Variants in MYBPC1 observed in about 807,000 individuals in gnomAD.
The protein encoded by MYBPC1 is myosin-binding protein C, slow-type.
A neutral mutation model predicts 147.1 loss-of-function variants in MYBPC1; 52 were observed. That is an observed-to-expected ratio of 0.35 (90% CI 0.28 to 0.45). The LOEUF (loss-of-function observed/expected upper bound fraction) is 0.45. MYBPC1 is among the 20% of genes least tolerant of loss of function. MYBPC1 has a pLI of 1.00. For synonymous variants in MYBPC1, 477 were observed against 475.9 expected, an observed-to-expected ratio of 1.00 and a Z score of -0.03; for missense variants, 1,228 against 1,440.3, an observed-to-expected ratio of 0.85 and a Z score of 2.39.
chr12:101,603,355 A>G (rs1319420606), intron 1 of MYBPC1, among the ~76,000 whole-genome samples: 1 of 151,860 alleles, frequency 6.6e-6, no homozygotes. Context: ...CAAAAAAAAA[A>G]AAAAGAAGAT....
chr12:101,631,951 G>A (rs1889993211), intron 7 of MYBPC1, 70 bp from the exon 8 acceptor site: 1 of 1,398,116 alleles, frequency 7.2e-7, no homozygotes, highest in Non-Finnish European at 1.0e-6. Context: ...GACAGACACA[G>A]CTTTAAGCCA....
intron 29 of MYBPC1, among the ~76,000 whole-genome samples, chr12:101,681,853 T>C (rs1434736290): frequency 2.0e-5 from 3 of 151,700 alleles, no homozygotes; most frequent in South Asian, 2.1e-4. Flanking sequence ...AAGCAATCCA[T>C]CTGCCTTGGC....
At chr12:101,643,574 A>G (rs1006679179) in intron 11 of MYBPC1, among the ~76,000 whole-genome samples, 13 of 152,194 alleles carry the variant, frequency 8.5e-5, no homozygotes, top group South Asian at 2.1e-4. Context: ...ACAATAGTAT[A>G]ATAAGGTTGG....
chr12:101,647,364 C>T (rs1193385854), intron 13 of MYBPC1, among the ~76,000 whole-genome samples: 1 of 152,138 alleles, frequency 6.6e-6, no homozygotes, highest in Non-Finnish European at 1.5e-5. Flanking sequence ...CTCTGTCATC[C>T]ATCTGGAACT....
chr12:101,598,616 C>T (rs1431156276), intron 1 of MYBPC1, among the ~76,000 whole-genome samples: 1 of 152,032 alleles, frequency 6.6e-6, no homozygotes, highest in Admixed American at 6.6e-5. Context: ...TTCTGTCACC[C>T]AGGCTGGAAT....
At chr12:101,670,518 A>G in intron 24 of MYBPC1, 109 bp downstream of exon 24, 1 of 914,066 alleles carries the variant, frequency 1.1e-6, no homozygotes, top group Non-Finnish European at 1.8e-6. Flanking sequence ...ATTTCCTCAG[A>G]GGGAGAGGAG....
intron 1 of MYBPC1, among the ~76,000 whole-genome samples, chr12:101,606,812 T>G (rs1427503660): frequency 6.6e-6 from 1 of 152,028 alleles, no homozygotes; most frequent in Non-Finnish European, 1.5e-5. Flanking sequence ...TTGCTGATTT[T>G]GGGGGGGTAC....
Position 101,661,910 on chromosome 12 carries a change from A to AG in MYBPC1, c.2033-448_2033-447insG, listed in dbSNP as rs1896635317. ...AGACTCTGTCTCAAAAAAAAAAAAA[A>AG]AAAAAGAAAGAAAAAATATTTAAAT... On this transcript the variant is annotated intron_variant, in intron 20 of 31. Transcript: ENST00000361466. Among the ~76,000 whole-genome samples, 18 of 52,206 alleles carry AG rather than the reference A, an allele frequency of 3.4e-4. No homozygotes were observed. The South Asian group carries it at 0.012, about 34-fold the overall frequency. 34.2% of individuals were successfully genotyped at this position (52,206 alleles called of 152,430 possible).
intron 12 of MYBPC1, among the ~76,000 whole-genome samples, chr12:101,646,360 A>G (rs1443048333): frequency 1.3e-5 from 2 of 152,260 alleles, no homozygotes; most frequent in Non-Finnish European, 2.9e-5. Context: ...TCAAAATTAT[A>G]TCCCTGCTGG....
intron 3 of MYBPC1, among the ~76,000 whole-genome samples, chr12:101,622,940 A>T (rs1224849527): frequency 6.6e-6 from 1 of 152,206 alleles, no homozygotes; most frequent in African/African-American, 2.4e-5. Context: ...CGCTGCATTC[A>T]TATGTATTCC....
Position 101,678,083 on chromosome 12 carries a change from T to A in MYBPC1, c.3110-19T>A, listed in dbSNP as rs1900396355. The A allele has an allele frequency of 1.9e-6, 3 of 1,608,266 alleles. No homozygotes were observed. Among genetic ancestry groups the A allele is most frequent in the African/African-American group, 1.3e-5 (1 of 74,804 alleles). ...CCAATTTACATAATTTTAACATATT[T>A]GTAATGCTTGTTTTTAAGGTAAAAT... On this transcript the variant is annotated intron_variant, in intron 27 of 31. Transcript: ENST00000361466.
At chr12:101,692,403 G>A in the MYBPC1 span, among the ~76,000 whole-genome samples, 1 of 152,178 alleles carries the variant, frequency 6.6e-6, no homozygotes, top group East Asian at 1.9e-4. Context: ...ATACATGTAA[G>A]TTATTAGGTG....
At chr12:101,641,940 C>T (rs1892143205) in intron 10 of MYBPC1, among the ~76,000 whole-genome samples, 1 of 151,788 alleles carries the variant, frequency 6.6e-6, no homozygotes, top group Non-Finnish European at 1.5e-5. Context: ...TGTATTTGTA[C>T]TGTCTCCATA....
Position 101,627,015 on chromosome 12 carries a change from C to G in MYBPC1, c.142+105C>G, listed in dbSNP as rs1026591120. 5 of 1,056,410 alleles carry G rather than the reference C, an allele frequency of 4.7e-6. No individual in the cohort carries two copies. In the African/African-American group the frequency reaches 6.3e-5, roughly 13 times the overall value. 65.4% of individuals were successfully genotyped at this position (1,056,410 alleles called of 1,614,324 possible). On this transcript the variant is annotated intron_variant, in intron 4 of 31. Coordinates refer to ENST00000361466, the MANE Select transcript of MYBPC1 (RefSeq NM_002465.4). The stretch of plus-strand genomic sequence containing the variant: ...CTCCTTGCTGAGTCAGTGCACAGAG[C>G]AGGGGCAACAGTTTTCGCCTGTGCT...
intron 1 of MYBPC1, among the ~76,000 whole-genome samples, chr12:101,614,241 A>C (rs2135802451): frequency 6.6e-6 from 1 of 151,880 alleles, no homozygotes; most frequent in African/African-American, 2.4e-5. Flanking sequence ...ACACCATGCC[A>C]CCTCCTGGAA....
In MYBPC1 at chr12:101,632,066, G is replaced by A; in HGVS notation, c.484G>A (p.Ala162Thr). Reference protein sequence around the residue: ...MQIIKAKDNFAGNYRCEVTYK... With the variant: ...MQIIKAKDNFTGNYRCEVTYK... ...GATCATCAAGGCCAAAGATAACTTTGCAGGAAATTACAGATGCGAGGTCAC... is the reference window on the plus strand; with the variant it reads ...GATCATCAAGGCCAAAGATAACTTTACAGGAAATTACAGATGCGAGGTCAC... The change falls in exon 8 of 32, where the codon GCA (alanine) becomes ACA (threonine). Residue 162 changes from alanine to threonine, a missense_variant. This residue lies in a region of MYBPC1 where 1,077 missense variants were observed against 1,314.2 expected (regional missense o/e 0.82). Coordinates refer to ENST00000361466, the MANE Select transcript of MYBPC1 (RefSeq NM_002465.4). 1.2e-6 allele frequency: 2 copies of A among 1,614,092 alleles called. No individual in the cohort carries two copies. Among genetic ancestry groups the A allele is most frequent in the South Asian group, 1.1e-5 (1 of 91,084 alleles).
chr12:101,649,046 T>G (rs1458327205), intron 14 of MYBPC1, among the ~76,000 whole-genome samples: 1 of 152,222 alleles, frequency 6.6e-6, no homozygotes, highest in Non-Finnish European at 1.5e-5. Context: ...GTGGCTCGTG[T>G]TCTTTTAACA....
At chr12:101,674,862 C>CAAAAAAAAAAAAAAA (rs62824364) in intron 25 of MYBPC1, among the ~76,000 whole-genome samples, 2 of 59,866 alleles carry the variant, frequency 3.3e-5, no homozygotes, top group African/African-American at 8.2e-5. Flanking sequence ...ACTCTGTCTC[C>CAAAAAAAAAAAAAAA]AAAAAAAAAA....
intron 10 of MYBPC1, among the ~76,000 whole-genome samples, chr12:101,642,176 G>C (rs1593844944): frequency 6.6e-6 from 1 of 152,192 alleles, no homozygotes; most frequent in Non-Finnish European, 1.5e-5. Flanking sequence ...CCCTAAAATT[G>C]TTTTTATTAA....
Sources: gnomAD v4.1 joint callset for allele counts (sites outside exome capture counted in the v4.1 genomes callset) on GRCh38, gnomAD v4.1.1 for gene constraint, gnomAD v4.1.1 regional missense constraint, MANE v1.5 for transcripts, NCBI Gene and HGNC (gene_info 2026-07-23, HGNC 2026-07-21) for gene names.